The following RBFOX2 variants were observed in gnomAD, a reference collection of about 807,000 sequenced individuals.
The protein encoded by RBFOX2 is RNA binding protein fox-1 homolog 2.
A neutral mutation model predicts 49.1 loss-of-function variants in RBFOX2; 10 were observed. That is an observed-to-expected ratio of 0.20 (90% CI 0.13 to 0.35). The LOEUF (loss-of-function observed/expected upper bound fraction) is 0.35, where lower values mean the gene tolerates loss of function less well. Ranked by LOEUF, RBFOX2 falls within the 10% of genes least tolerant of loss-of-function variation. The pLI is 1.00. For missense variants in RBFOX2, 323 were observed against 486.9 expected (o/e 0.66, Z 3.17); for synonymous variants, 183 against 187.4 (o/e 0.98, Z 0.19).
intron 1 of RBFOX2, among the ~76,000 whole-genome samples, chr22:35,971,123 G>A (rs956087811): frequency 6.6e-6 from 1 of 152,110 alleles, no homozygotes; most frequent in Non-Finnish European, 1.5e-5. Context: ...TACTGCAGTA[G>A]GTGGGAAAAC....
intron 1 of RBFOX2, among the ~76,000 whole-genome samples, chr22:35,991,136 C>T (rs1370081048): frequency 6.6e-6 from 1 of 151,882 alleles, no homozygotes; most frequent in Non-Finnish European, 1.5e-5. Context: ...AAAACCCACC[C>T]ACTAGAAGGG....
chr22:35,991,518 A>C (rs983731316), intron 1 of RBFOX2, among the ~76,000 whole-genome samples: 1 of 152,188 alleles, frequency 6.6e-6, no homozygotes, highest in Non-Finnish European at 1.5e-5. Flanking sequence ...GGGCCTTTGG[A>C]CAGGAGTCAG....
intron 2 of RBFOX2, 49 bp downstream of exon 3, chr22:35,809,731 T>C: frequency 6.4e-7 from 1 of 1,571,110 alleles, no homozygotes; most frequent in Non-Finnish European, 8.8e-7. Flanking sequence ...CGACAATTTC[T>C]ATATGATTGC....
chr22:35,991,424 G>A (rs1354448601), intron 1 of RBFOX2, among the ~76,000 whole-genome samples: 1 of 152,098 alleles, frequency 6.6e-6, no homozygotes, highest in African/African-American at 2.4e-5. Flanking sequence ...GGTCTGTTTG[G>A]GTATTGCAAG....
chr22:35,809,694 G>T, intron 2 of RBFOX2, 86 bp downstream of exon 3: 1 of 1,401,972 alleles, frequency 7.1e-7, no homozygotes, highest in Non-Finnish European at 1.0e-6. Context: ...AATTAATTCC[G>T]AGAGTCTTCT....
At chr22:35,805,362 A>G (rs1451671518) in intron 2 of RBFOX2, among the ~76,000 whole-genome samples, 1 of 151,996 alleles carries the variant, frequency 6.6e-6, no homozygotes, top group Non-Finnish European at 1.5e-5. Context: ...ATATAAAGAT[A>G]GCAAATAACC....
At chr22:35,813,793 T>C (rs1337564365) in intron 1 of RBFOX2, among the ~76,000 whole-genome samples, 1 of 152,192 alleles carries the variant, frequency 6.6e-6, no homozygotes, top group Admixed American at 6.5e-5. Flanking sequence ...GAAAGTCAGG[T>C]GTGTGCACAT....
intron 1 of RBFOX2, among the ~76,000 whole-genome samples, chr22:35,967,064 C>T (rs2056606251): frequency 6.6e-6 from 1 of 152,122 alleles, no homozygotes; most frequent in Admixed American, 6.5e-5. Context: ...TAAAGCAATC[C>T]TCCTGCCTCA....
At chr22:35,822,039 G>A (rs1042477176) in intron 1 of RBFOX2, 28 of 496,212 alleles carry the variant, frequency 5.6e-5, no homozygotes, top group Non-Finnish European at 9.3e-5. Flanking sequence ...TACAAAGAGA[G>A]GGCCAGCCTT....
At chr22:35,812,717 A>G (rs538842072) in intron 1 of RBFOX2, among the ~76,000 whole-genome samples, 1 of 152,304 alleles carries the variant, frequency 6.6e-6, no homozygotes, top group East Asian at 1.9e-4. Flanking sequence ...AAAAGCTAAA[A>G]GATAGAGTTT....
At chr22:35,880,507 T>C (rs1428735109) in intron 1 of RBFOX2, among the ~76,000 whole-genome samples, 4 of 152,124 alleles carry the variant, frequency 2.6e-5, no homozygotes, top group Admixed American at 6.5e-5. Flanking sequence ...GCCAAGAACA[T>C]ACAGACAGAA....
At chr22:35,788,399 C>T (rs142275517) in intron 2 of RBFOX2, among the ~76,000 whole-genome samples, 15 of 152,230 alleles carry the variant, frequency 9.9e-5, no homozygotes, top group East Asian at 9.6e-4. Context: ...TCTTCCCCCC[C>T]GTCCCCCAAT....
chr22:35,761,349 A>T, intron 7 of RBFOX2, 55 bp from the exon 9 acceptor site: 1 of 1,613,034 alleles, frequency 6.2e-7, no homozygotes, highest in Non-Finnish European at 8.5e-7. Context: ...AGGAGTCACA[A>T]ATTGAAAAAC....
intron 1 of RBFOX2, among the ~76,000 whole-genome samples, chr22:35,823,265 C>T (rs1428034910): frequency 6.6e-6 from 1 of 152,210 alleles, no homozygotes; most frequent in Non-Finnish European, 1.5e-5. Flanking sequence ...TGTTTTCTGT[C>T]TCTTTCATTT....
chr22:35,789,082 T>C (rs1182682333), intron 2 of RBFOX2, among the ~76,000 whole-genome samples: 1 of 152,154 alleles, frequency 6.6e-6, no homozygotes, highest in Non-Finnish European at 1.5e-5. Flanking sequence ...AAAGTTAATA[T>C]AGAATATAAC....
intron 2 of RBFOX2, among the ~76,000 whole-genome samples, chr22:35,793,601 T>C (rs1042712052): frequency 7.2e-5 from 11 of 152,232 alleles, no homozygotes; most frequent in Non-Finnish European, 1.6e-4. Flanking sequence ...CAATTGAATA[T>C]AAAATTATTT....
At chr22:35,839,412 AG>A (rs1288067533) in intron 1 of RBFOX2, among the ~76,000 whole-genome samples, 1 of 129,150 alleles carries the variant, frequency 7.7e-6, no homozygotes, top group Non-Finnish European at 1.6e-5. Flanking sequence ...GAGGAGAGAA[AG>A]GGGGATTGAG....
chr22:36,018,894 A>C (rs894200506), intron 1 of RBFOX2, among the ~76,000 whole-genome samples: 7 of 152,164 alleles, frequency 4.6e-5, no homozygotes, highest in Non-Finnish European at 8.8e-5. Flanking sequence ...GATTACAGGC[A>C]TGAGCCACCG....
intron 1 of RBFOX2, among the ~76,000 whole-genome samples, chr22:35,879,229 ATCC>A (rs998513209): frequency 4.6e-5 from 7 of 152,236 alleles, no homozygotes; most frequent in African/African-American, 1.7e-4. Flanking sequence ...TGGGTTCTGC[ATCC>A]CTGGATTCAA....
Sources: allele counts gnomAD v4.1 joint callset (sites outside exome capture counted in the v4.1 genomes callset), GRCh38; gene constraint gnomAD v4.1.1; transcripts MANE v1.5; gene names NCBI Gene and HGNC (gene_info 2026-07-23, HGNC 2026-07-21).